The following RAB11FIP4 variants were observed in gnomAD, a reference collection of about 807,000 sequenced individuals.
The protein encoded by RAB11FIP4 is rab11 family-interacting protein 4.
RAB11FIP4 carries 23 observed loss-of-function variants against 74.3 expected under a neutral mutation model. The ratio of observed to expected loss-of-function variants is 0.31; its 90% CI spans 0.22 to 0.44. The LOEUF (loss-of-function observed/expected upper bound fraction) is 0.44. Ranked by LOEUF, RAB11FIP4 falls within the 20% of genes least tolerant of loss-of-function variation. The probability of loss-of-function intolerance (pLI) is 1.00; values close to 1 mark genes in which losing one functional copy is unlikely to be tolerated. For synonymous variants in RAB11FIP4, 360 were observed against 359.9 expected, an observed-to-expected ratio of 1.00 and a Z score of 0.00; for missense variants, 630 against 863.9, an observed-to-expected ratio of 0.73 and a Z score of 3.39.
At chr17:31,436,765 T>TTTTTTTTGTTTTTTG (rs2071361677) in intron 3 of RAB11FIP4, among the ~76,000 whole-genome samples, 3 of 30,216 alleles carry the variant, frequency 9.9e-5, no homozygotes, top group African/African-American at 5.1e-4. Context: ...TTTTTTTTTG[T>TTTTTTTTGTTTTTTG]TTTTTTTTGT....
chr17:31,510,833 A>C (rs972278466), intron 3 of RAB11FIP4, among the ~76,000 whole-genome samples: 2 of 151,930 alleles, frequency 1.3e-5, no homozygotes, highest in African/African-American at 4.8e-5. Context: ...GGTACCCTGG[A>C]TTGTTTTCCT....
chr17:31,396,180 CCA>C (rs1491141886), intron 1 of RAB11FIP4, among the ~76,000 whole-genome samples: 45 of 87,984 alleles, frequency 5.1e-4, no homozygotes, highest in African/African-American at 1.5e-3. Context: ...TGAGACCCTG[CCA>C]CAAAAAAAAA....
intron 1 of RAB11FIP4, among the ~76,000 whole-genome samples, chr17:31,422,014 T>C (rs1248602804): frequency 2.0e-5 from 3 of 152,026 alleles, no homozygotes. Flanking sequence ...ACCCCCCGTC[T>C]CTACAAGAAA....
chr17:31,391,936 C>A lies in RAB11FIP4; in HGVS notation c.84C>A (p.Cys28Ter). The change falls in exon 1 of 15, where the codon TGC becomes TGA. Residue 28 changes from cysteine (C) to a stop codon, truncating the protein, a stop_gained. Coordinates refer to ENST00000621161, the MANE Select transcript of RAB11FIP4 (RefSeq NM_032932.6). LOFTEE classifies it high-confidence loss of function. ...GCCTGCGCGAGGTGTTCGAGGTGTG[C>A]GGCCGCGACCCCGACGGCTTCCTGC... ...VRRLREVFEV[C>*]GRDPDGFLRV... 7.2e-7 allele frequency: 1 copy of A among 1,379,420 alleles called. No individual in the cohort carries two copies. Among genetic ancestry groups the A allele is most frequent in the Non-Finnish European group, 9.4e-7 (1 of 1,062,592 alleles). The allele number at this position is 1,379,420 out of a possible 1,614,324, so 85.4% of individuals were successfully genotyped here. A position where few individuals can be genotyped will look rare whatever the true frequency, so the allele number is the denominator to read the frequency against.
intron 1 of RAB11FIP4, among the ~76,000 whole-genome samples, chr17:31,419,279 G>GT (rs900809149): frequency 1.4e-5 from 2 of 143,624 alleles, no homozygotes; most frequent in African/African-American, 5.4e-5. Context: ...TTTGTTGAGA[G>GT]TTTTTTTGTT....
At chr17:31,418,831 C>T (rs970488324) in intron 1 of RAB11FIP4, among the ~76,000 whole-genome samples, 7 of 152,080 alleles carry the variant, frequency 4.6e-5, no homozygotes, top group African/African-American at 9.7e-5. Flanking sequence ...CAGTAAAATT[C>T]GCTTTTTGGG....
At chr17:31,431,713 C>T (rs756964230) in intron 1 of RAB11FIP4, 100 bp from the exon 2 acceptor site, 2 of 821,880 alleles carry the variant, frequency 2.4e-6, no homozygotes, top group Non-Finnish European at 4.2e-6. Context: ...TGGGCGGGGA[C>T]ACTGGTGTCC....
intron 3 of RAB11FIP4, among the ~76,000 whole-genome samples, chr17:31,481,137 C>T (rs940405713): frequency 1.3e-5 from 2 of 152,142 alleles, no homozygotes; most frequent in Admixed American, 6.5e-5. Flanking sequence ...AAAGAACAAA[C>T]GATCCCTTCA....
intron 1 of RAB11FIP4, among the ~76,000 whole-genome samples, chr17:31,398,682 C>T (rs1285529577): frequency 1.3e-5 from 2 of 152,226 alleles, no homozygotes; most frequent in Admixed American, 6.5e-5. Flanking sequence ...CGAGGCTGGA[C>T]AGGCAGCGTG....
intron 1 of RAB11FIP4, among the ~76,000 whole-genome samples, chr17:31,411,164 C>G (rs1315579645): frequency 6.6e-6 from 1 of 152,122 alleles, no homozygotes; most frequent in Non-Finnish European, 1.5e-5. Flanking sequence ...CAGATCGAGA[C>G]CATCCTGGCT....
At chr17:31,402,986 G>C (rs190969230) in intron 1 of RAB11FIP4, among the ~76,000 whole-genome samples, 91 of 152,204 alleles carry the variant, frequency 6.0e-4, no homozygotes, top group Admixed American at 4.3e-3. Context: ...CTGTAAAATA[G>C]AGGTCATACC....
At chr17:31,523,484 G>A (rs780952433) in intron 7 of RAB11FIP4, 28 bp from the exon 8 acceptor site, 19 of 1,598,672 alleles carry the variant, frequency 1.2e-5, no homozygotes, top group Admixed American at 1.7e-5. Flanking sequence ...GGCCCCTGCA[G>A]CCAGACACCC....
At chr17:31,459,063 C>T (rs2071608337) in intron 3 of RAB11FIP4, among the ~76,000 whole-genome samples, 1 of 152,160 alleles carries the variant, frequency 6.6e-6, no homozygotes, top group Non-Finnish European at 1.5e-5. Context: ...CTGATCTCAA[C>T]TCTCACTCAT....
chr17:31,478,268 C>T (rs1352957520), intron 3 of RAB11FIP4, among the ~76,000 whole-genome samples: 2 of 152,198 alleles, frequency 1.3e-5, no homozygotes, highest in African/African-American at 2.4e-5. Context: ...GCTGGGATTA[C>T]AGGCATGAGC....
intron 1 of RAB11FIP4, among the ~76,000 whole-genome samples, chr17:31,399,476 G>A (rs546123323): frequency 2.8e-4 from 42 of 152,176 alleles, no homozygotes; most frequent in Non-Finnish European, 5.9e-4. Context: ...ACTTTGGGAG[G>A]CCGAGGCGGG....
chr17:31,522,171 G>C lies in RAB11FIP4; in HGVS notation c.893+122G>C, dbSNP rs534297506. ...TGGGCAGGTGAGAGCTCTCAGAGGA[G>C]GGTTGATCCAGGGGCTTTTTCTGCC... On this transcript the variant is annotated intron_variant, in intron 6 of 14. Transcript: ENST00000621161. The C allele has an allele frequency of 2.9e-6, 4 of 1,396,946 alleles. No homozygotes were observed. The East Asian group carries it at 9.2e-5, about 32-fold the overall frequency. 86.5% of individuals were successfully genotyped at this position (1,396,946 alleles called of 1,614,324 possible).
chr17:31,446,931 C>T (rs1487155772), intron 3 of RAB11FIP4, among the ~76,000 whole-genome samples: 1 of 152,134 alleles, frequency 6.6e-6, no homozygotes, highest in Non-Finnish European at 1.5e-5. Flanking sequence ...TGGAGGATCC[C>T]TTGAGGCTAG....
rs1235629328 is a variant in RAB11FIP4, at chr17:31,522,089, G to A, written c.893+40G>A. ...CAGCTGGGGGGTGAGAGGCCGGGGG[G>A]CCAGGGCAGGGCCTGGAGGGAGAAG... On this transcript the variant is annotated intron_variant, in intron 6 of 14. Coordinates refer to ENST00000621161, the MANE Select transcript of RAB11FIP4 (RefSeq NM_032932.6). 5 of 1,612,614 alleles carry A rather than the reference G, an allele frequency of 3.1e-6. No homozygotes were observed. The South Asian group carries it at 3.3e-5, about 11-fold the overall frequency.
intron 3 of RAB11FIP4, among the ~76,000 whole-genome samples, chr17:31,498,127 G>A (rs1218102406): frequency 6.6e-6 from 1 of 152,094 alleles, no homozygotes; most frequent in Non-Finnish European, 1.5e-5. Context: ...TGTGGGCAGT[G>A]GGGAGCTCAC....
Sources: gnomAD v4.1 joint callset for allele counts (sites outside exome capture counted in the v4.1 genomes callset) on GRCh38, gnomAD v4.1.1 for gene constraint, MANE v1.5 for transcripts, NCBI Gene and HGNC (gene_info 2026-07-23, HGNC 2026-07-21) for gene names.